TUBGCP3: variants seen among roughly 807,000 people sequenced by gnomAD.
TUBGCP3 encodes the protein tubulin gamma complex component 3, also known as gamma-tubulin complex component 3.
A neutral mutation model predicts 123.1 loss-of-function variants in TUBGCP3; 50 were observed. The ratio of observed to expected loss-of-function variants is 0.41; its 90% CI spans 0.32 to 0.51. TUBGCP3 has a LOEUF of 0.51. TUBGCP3 is among the 20% of genes least tolerant of loss of function. TUBGCP3 has a pLI of 0.36. For missense variants in TUBGCP3, 882 were observed against 1,127.0 expected (o/e 0.78, Z 3.11); for synonymous variants, 405 against 413.9 (o/e 0.98, Z 0.26).
In TUBGCP3 at chr13:112,559,570, G is replaced by A. The variant is rs2274302; in HGVS notation, c.253-171C>T. ...TCAACAGTGCCACCCATCCGAAGGCGGAAGCAAATGTCCTCATGCAACCAA... is the reference window on the plus strand; with the variant it reads ...TCAACAGTGCCACCCATCCGAAGGCAGAAGCAAATGTCCTCATGCAACCAA... On this transcript the variant is annotated intron_variant, in intron 3 of 21. Transcript: ENST00000261965. Among the ~76,000 whole-genome samples, 964 of 152,274 alleles carry A rather than the reference G, an allele frequency of 6.3e-3. 8 individuals carry two copies. Among genetic ancestry groups the A allele is most frequent in the African/African-American group, 0.022 (900 of 41,542 alleles).
chr13:112,515,103 T>G (rs1185022854), intron 17 of TUBGCP3, among the ~76,000 whole-genome samples: 6 of 152,106 alleles, frequency 3.9e-5, no homozygotes, highest in African/African-American at 7.2e-5. Flanking sequence ...ATCAAAAAAT[T>G]TATTAGTTAT....
At chr13:112,517,950 A>G (rs1391092777) in intron 16 of TUBGCP3, among the ~76,000 whole-genome samples, 3 of 152,186 alleles carry the variant, frequency 2.0e-5, no homozygotes, top group Admixed American at 1.3e-4. Context: ...TTTGCATTGT[A>G]ACTATTTTAA....
chr13:112,525,321 G>C (rs1190034046), intron 13 of TUBGCP3, among the ~76,000 whole-genome samples: 1 of 152,058 alleles, frequency 6.6e-6, no homozygotes. Context: ...TCTTTCCAAA[G>C]CCTTCCTGTT....
rs910513859 is a variant in TUBGCP3, at chr13:112,524,961, T to C, written c.1555+1981A>G. Among the ~76,000 whole-genome samples, 3 of 152,180 alleles carry C rather than the reference T, an allele frequency of 2.0e-5. No homozygotes were observed. The highest frequency in any genetic ancestry group is 4.4e-5 in the Non-Finnish European group (3 of 68,046). On this transcript the variant is annotated intron_variant, in intron 13 of 21. Coordinates refer to ENST00000261965, the MANE Select transcript of TUBGCP3 (RefSeq NM_006322.6). The surrounding 1 kb of genome is among the most constrained non-coding windows in gnomAD (Gnocchi z 4.4). ...GAAATCCCCTGCTGCCCTTCCGACTTGGCCTCACGAGCTCAGAGTTCTAGT... is the reference window on the plus strand; with the variant it reads ...GAAATCCCCTGCTGCCCTTCCGACTCGGCCTCACGAGCTCAGAGTTCTAGT...
chr13:112,539,138 C>A, intron 11 of TUBGCP3, among the ~76,000 whole-genome samples: 1 of 152,194 alleles, frequency 6.6e-6, no homozygotes, highest in East Asian at 1.9e-4. Context: ...AAAGTAGCAG[C>A]AGATACGCTA....
At chr13:112,537,401 G>A (rs1878152550) in intron 11 of TUBGCP3, among the ~76,000 whole-genome samples, 1 of 152,160 alleles carries the variant, frequency 6.6e-6, no homozygotes, top group Non-Finnish European at 1.5e-5. Flanking sequence ...CACCAGTTGA[G>A]TTGATCATTT....
At chr13:112,551,624 A>G (rs4907724) in intron 8 of TUBGCP3, among the ~76,000 whole-genome samples, 44,820 of 152,132 alleles carry the variant, frequency 0.29, 7,208 homozygotes, top group African/African-American at 0.41. Flanking sequence ...GTCACACCCT[A>G]GTCCATACCT....
At chr13:112,573,806 A>AC (rs1258610168) in intron 1 of TUBGCP3, among the ~76,000 whole-genome samples, 1 of 151,880 alleles carries the variant, frequency 6.6e-6, no homozygotes, top group Non-Finnish European at 1.5e-5. Context: ...AGATCCCCCC[A>AC]CCCCCACCAC....
intron 10 of TUBGCP3, 77 bp downstream of exon 10, chr13:112,547,542 GA>G (rs1422107513): frequency 1.4e-6 from 1 of 724,038 alleles, no homozygotes. Flanking sequence ...ACGTGCATGG[GA>G]AAGTCGCGCG....
intron 3 of TUBGCP3, among the ~76,000 whole-genome samples, chr13:112,560,444 A>G (rs1594202305): frequency 6.6e-6 from 1 of 152,044 alleles, no homozygotes; most frequent in South Asian, 2.1e-4. Flanking sequence ...AAAAAAAAAA[A>G]GTGGGTCTGA....
intron 11 of TUBGCP3, among the ~76,000 whole-genome samples, chr13:112,536,193 C>T (rs1878040658): frequency 6.6e-6 from 1 of 152,222 alleles, no homozygotes; most frequent in Non-Finnish European, 1.5e-5. Context: ...ATTTGTTCAA[C>T]TTTGTTCTTT....
chr13:112,601,185 TAAAAAAAAAAAAA>T, the TUBGCP3 span, among the ~76,000 whole-genome samples: 3 of 86,494 alleles, frequency 3.5e-5, no homozygotes, highest in African/African-American at 1.4e-4. Context: ...AGATTCTGTC[TAAAAAAAAAAAAA>T]AAAAAAAAAA....
rs1755418678 is a variant in TUBGCP3 at position 112,508,264 on chromosome 13, A to G, written c.2087-3550T>C. On this transcript the variant is annotated intron_variant, in intron 17 of 21. Transcript: ENST00000261965. The surrounding 1 kb of genome is among the most constrained non-coding windows in gnomAD (Gnocchi z 4.2). ...GTATCCCCTCACTCTGAATCCATCT[A>G]TTCCTCCTCTGTGATTTTCAGCCTC... is the stretch of plus-strand genomic sequence containing the variant. 6.6e-6 allele frequency among the ~76,000 whole-genome samples: 1 copy of G among 151,934 alleles called. No individual in the cohort carries two copies. Among genetic ancestry groups the G allele is most frequent in the African/African-American group, 2.4e-5 (1 of 41,376 alleles).
chr13:112,504,566 C>A, intron 18 of TUBGCP3, 60 bp downstream of exon 18: 1 of 1,135,068 alleles, frequency 8.8e-7, no homozygotes. Flanking sequence ...ATATATATAC[C>A]ATGTAAAAGC....
At chr13:112,530,769 C>A (rs972111636) in intron 11 of TUBGCP3, among the ~76,000 whole-genome samples, 12 of 152,034 alleles carry the variant, frequency 7.9e-5, no homozygotes, top group African/African-American at 2.9e-4. Flanking sequence ...TTTACTTGAA[C>A]AAGTTGACAA....
chr13:112,561,027 C>T (rs1248945018), intron 3 of TUBGCP3, among the ~76,000 whole-genome samples: 2 of 152,144 alleles, frequency 1.3e-5, no homozygotes, highest in African/African-American at 2.4e-5. Flanking sequence ...AAGCTGACAT[C>T]GGAATGAGGC....
chr13:112,547,535 T>TGCGC (rs1566567286), intron 10 of TUBGCP3, 85 bp downstream of exon 10: 7 of 1,162,182 alleles, frequency 6.0e-6, no homozygotes, highest in Non-Finnish European at 7.7e-6. Flanking sequence ...GGGAAAGACG[T>TGCGC]GCATGGGAAA....
In TUBGCP3 at chr13:112,578,287, C is replaced by T. The variant is rs113527765; in HGVS notation, c.77-9028G>A. 9.3e-3 allele frequency among the ~76,000 whole-genome samples: 1,410 copies of T among 152,014 alleles called. 22 individuals carry two copies. Among genetic ancestry groups the T allele is most frequent in the African/African-American group, 0.032 (1,328 of 41,454 alleles). ...AAAAGAACCTGCTCTCGGCCGGGCGCGGTGGCTCACGCCTGTAATCCCAGC... is the reference window on the plus strand; with the variant it reads ...AAAAGAACCTGCTCTCGGCCGGGCGTGGTGGCTCACGCCTGTAATCCCAGC... On this transcript the variant is annotated intron_variant, in intron 1 of 21. Coordinates refer to ENST00000261965, the MANE Select transcript of TUBGCP3 (RefSeq NM_006322.6).
rs1205144094 is a variant in TUBGCP3, at chr13:112,508,527, G to A, written c.2087-3813C>T. On this transcript the variant is annotated intron_variant, in intron 17 of 21. Coordinates refer to ENST00000261965, the MANE Select transcript of TUBGCP3 (RefSeq NM_006322.6). The surrounding 1 kb of genome is among the most constrained non-coding windows in gnomAD (Gnocchi z 4.2). ...TCCTCCTAGCCACGGCACCCTGTGA[G>A]ACTGCAGTTCCCACGCACTGATGTC... Among the ~76,000 whole-genome samples, 1 of 152,108 alleles carries A rather than the reference G, an allele frequency of 6.6e-6. No homozygotes were observed. Among genetic ancestry groups the A allele is most frequent in the East Asian group, 1.9e-4 (1 of 5,160 alleles).
Sources: gnomAD v4.1 joint callset for allele counts (sites outside exome capture counted in the v4.1 genomes callset) on GRCh38, gnomAD v4.1.1 for gene constraint, Gnocchi (gnomAD v3.1) non-coding constraint, MANE v1.5 for transcripts, NCBI Gene and HGNC (gene_info 2026-07-23, HGNC 2026-07-21) for gene names.